Variants in DAB1 observed in about 807,000 individuals in gnomAD.
DAB1 encodes the protein DAB adaptor protein 1.
Under a neutral mutation model 64.6 loss-of-function variants are expected in DAB1, and 15 were observed. The observed-to-expected ratio is 0.23, with a 90% confidence interval of 0.16 to 0.36. The LOEUF is 0.36. DAB1 is among the 10% of genes least tolerant of loss of function. DAB1 has a pLI of 1.00. For synonymous variants in DAB1, 235 were observed against 251.9 expected (o/e 0.93, Z 0.64); for missense variants, 596 against 706.7 (o/e 0.84, Z 1.78).
rs34642210 is a variant in DAB1 at position 57,157,570 on chromosome 1, AAGAGAGAG to A, written c.68-12149_68-12142del. 9.9e-4 allele frequency among the ~76,000 whole-genome samples: 146 copies of A among 148,186 alleles called. 1 individual carries two copies. In the East Asian group the frequency reaches 0.02, roughly 20 times the overall value. ...ATCTCTTTTTGTGCATGCACTGAGA[AAGAGAGAG>A]AGAGAGAGAGAGAGAGAGAGAAAGC... On this transcript the variant is annotated intron_variant, in intron 2 of 14. Coordinates refer to ENST00000371236, the MANE Select transcript of DAB1 (RefSeq NM_001365792.1).
At chr1:57,520,735 T>G (rs972188426) in intron 7 of DAB1, among the ~76,000 whole-genome samples, 1 of 152,008 alleles carries the variant, frequency 6.6e-6, no homozygotes, top group Non-Finnish European at 1.5e-5. Flanking sequence ...GAGCTCACAA[T>G]CAAAAGAGTA....
intron 9 of DAB1, among the ~76,000 whole-genome samples, chr1:57,029,937 T>C (rs1646915226): frequency 6.6e-6 from 1 of 152,060 alleles, no homozygotes; most frequent in Non-Finnish European, 1.5e-5. Flanking sequence ...AGTTAAGACT[T>C]TGGGGGACTG....
chr1:57,365,734 TC>T (rs1248753537), intron 1 of DAB1, among the ~76,000 whole-genome samples: 6 of 152,030 alleles, frequency 3.9e-5, no homozygotes, highest in African/African-American at 9.7e-5. Context: ...TTAATTACTC[TC>T]CCCACACTAC....
intron 7 of DAB1, among the ~76,000 whole-genome samples, chr1:57,565,760 C>T (rs974874843): frequency 2.0e-5 from 3 of 152,160 alleles, no homozygotes; most frequent in African/African-American, 2.4e-5. Flanking sequence ...TACAGGAGCA[C>T]CCAGATTCAT....
chr1:57,290,815 A>T (rs997191879), intron 2 of DAB1, 149 bp downstream of exon 2: 7 of 516,754 alleles, frequency 1.4e-5, no homozygotes, highest in Non-Finnish European at 2.4e-5. Context: ...GAACCATTAC[A>T]TTATTATATT....
At chr1:58,521,828 C>T (rs1337636445) in intron 2 of DAB1, among the ~76,000 whole-genome samples, 1 of 152,026 alleles carries the variant, frequency 6.6e-6, no homozygotes, top group East Asian at 1.9e-4. Flanking sequence ...ATTCTCCAAA[C>T]GTTTAAAAAA....
intron 3 of DAB1, among the ~76,000 whole-genome samples, chr1:58,505,636 T>G (rs1257224350): frequency 6.6e-6 from 1 of 152,152 alleles, no homozygotes; most frequent in Non-Finnish European, 1.5e-5. Context: ...CAAATTCCAG[T>G]ACCACTACTA....
chr1:57,022,215 C>T (rs1646645171), intron 11 of DAB1, among the ~76,000 whole-genome samples: 1 of 152,116 alleles, frequency 6.6e-6, no homozygotes, highest in African/African-American at 2.4e-5. Context: ...CCAGCATACC[C>T]TTTACAGATA....
At chr1:57,323,110 G>A (rs1675859195) in intron 1 of DAB1, among the ~76,000 whole-genome samples, 2 of 152,074 alleles carry the variant, frequency 1.3e-5, no homozygotes, top group Admixed American at 6.5e-5. Context: ...ATGGACCACA[G>A]GTTGAGTAGA....
intron 4 of DAB1, among the ~76,000 whole-genome samples, chr1:58,240,052 CTGCCT>C (rs1445047050): frequency 6.6e-6 from 1 of 152,156 alleles, no homozygotes; most frequent in East Asian, 1.9e-4. Context: ...TAGGCGACTG[CTGCCT>C]TGCACTCCAT....
At position 57,033,292 on chromosome 1, in the gene DAB1, G is replaced by A; in HGVS notation, c.724-7249C>T. 5 of 1,339,682 alleles carry A rather than the reference G, an allele frequency of 3.7e-6. No individual in the cohort carries two copies. In the South Asian group the frequency reaches 5.9e-5, roughly 16 times the overall value. 83.0% of individuals were successfully genotyped at this position (1,339,682 alleles called of 1,614,324 possible). A position where few individuals can be genotyped will look rare whatever the true frequency, so the allele number is the denominator to read the frequency against. ...TACCTACTAGAGCAGAGCAGGGCAG[G>A]AAATCTGCCATTCATGCAAGCTGGA... On this transcript the variant is annotated intron_variant, in intron 9 of 14. Coordinates refer to ENST00000371236, the MANE Select transcript of DAB1 (RefSeq NM_001365792.1).
intron 6 of DAB1, among the ~76,000 whole-genome samples, chr1:57,696,818 G>A (rs568188265): frequency 2.6e-5 from 4 of 152,168 alleles, no homozygotes; most frequent in Admixed American, 6.5e-5. Context: ...ATATCATCCT[G>A]GAATTTTCAA....
intron 2 of DAB1, among the ~76,000 whole-genome samples, chr1:57,272,902 A>T (rs1218439294): frequency 6.6e-6 from 1 of 152,182 alleles, no homozygotes; most frequent in East Asian, 1.9e-4. Flanking sequence ...TTGTGATAAG[A>T]AGAAATAAGA....
At chr1:58,032,462 T>A (rs754488601) in intron 5 of DAB1, among the ~76,000 whole-genome samples, 50 of 152,096 alleles carry the variant, frequency 3.3e-4, no homozygotes, top group Non-Finnish European at 6.0e-4. Flanking sequence ...GGGTGGGGAG[T>A]GCCCAAAGTT....
At chr1:57,449,236 C>T (rs2101150155) in intron 7 of DAB1, among the ~76,000 whole-genome samples, 1 of 152,236 alleles carries the variant, frequency 6.6e-6, no homozygotes. Flanking sequence ...TCTACTTGTT[C>T]TGTGACATTA....
chr1:57,586,582 T>C (rs1341108914), intron 7 of DAB1, among the ~76,000 whole-genome samples: 1 of 152,154 alleles, frequency 6.6e-6, no homozygotes. Flanking sequence ...ATTTTCGTCA[T>C]ACACATTCTT....
At chr1:57,853,239 G>C (rs988445791) in intron 1 of DAB1, among the ~76,000 whole-genome samples, 13 of 147,982 alleles carry the variant, frequency 8.8e-5, no homozygotes, top group Non-Finnish European at 1.5e-4. Context: ...AGGGTTTGGG[G>C]CTATCTTTAA....
At chr1:57,213,559 C>T (rs1666194628) in intron 2 of DAB1, among the ~76,000 whole-genome samples, 1 of 152,194 alleles carries the variant, frequency 6.6e-6, no homozygotes, top group Non-Finnish European at 1.5e-5. Context: ...AATGCTGGCT[C>T]CACCAGGCCC....
chr1:58,049,856 G>T (rs1453855988), intron 5 of DAB1, among the ~76,000 whole-genome samples: 1 of 151,904 alleles, frequency 6.6e-6, no homozygotes, highest in Non-Finnish European at 1.5e-5. Context: ...GAACAAAATA[G>T]AATCCACCTC....
Sources: allele counts gnomAD v4.1 joint callset (sites outside exome capture counted in the v4.1 genomes callset), GRCh38; gene constraint gnomAD v4.1.1; transcripts MANE v1.5; gene names NCBI Gene and HGNC (gene_info 2026-07-23, HGNC 2026-07-21).